Variants in GLE1 observed in about 807,000 individuals in gnomAD.
GLE1 encodes GLE1 RNA export mediator, also known as mRNA export factor GLE1.
In GLE1, 78 loss-of-function variants were observed where a neutral mutation model predicts 97.3. That is an observed-to-expected ratio of 0.80 (90% CI 0.67 to 0.97). The LOEUF (loss-of-function observed/expected upper bound fraction) is 0.97. GLE1 is among the 50% of genes least tolerant of loss of function. The pLI, the probability that GLE1 is intolerant of heterozygous loss-of-function variation, is 0.00. For missense variants in GLE1, 753 were observed against 857.5 expected, an observed-to-expected ratio of 0.88 and a Z score of 1.52; for synonymous variants, 302 against 313.4, an observed-to-expected ratio of 0.96 and a Z score of 0.39.
intron 2 of GLE1, among the ~76,000 whole-genome samples, chr9:128,510,251 C>T (rs149347132): frequency 0.073 from 11,037 of 150,424 alleles, 546 homozygotes; most frequent in Middle Eastern, 0.12. Context: ...TTTTTTGAGA[C>T]GGAGTCTTGC....
Position 128,523,504 on chromosome 9 carries a change from A to T in GLE1, c.643-88A>T. 3 of 1,547,108 alleles carry T rather than the reference A, an allele frequency of 1.9e-6. No homozygotes were observed. In the South Asian group the frequency reaches 3.4e-5, roughly 17 times the overall value. Reference sequence around the variant, plus strand: ...TTCCTGCTCTGAGCCCATCTGTGAAAATATGTAGCCCACGTAGAATTTGAG... The same window carrying T: ...TTCCTGCTCTGAGCCCATCTGTGAATATATGTAGCCCACGTAGAATTTGAG... On this transcript the variant is annotated intron_variant, in intron 5 of 15. Transcript: ENST00000309971.
rs1160924908 is a variant in GLE1, at chr9:128,532,209, CTTTTTTT to C, written c.1313-1283_1313-1277del. 8.1e-5 allele frequency among the ~76,000 whole-genome samples: 4 copies of C among 49,384 alleles called. No individual in the cohort carries two copies. In the East Asian group the frequency reaches 2.0e-3, roughly 24 times the overall value. The allele number at this position is 49,384 out of a possible 152,430, so 32.4% of individuals were successfully genotyped here. A position where few individuals can be genotyped will look rare whatever the true frequency, so the allele number is the denominator to read the frequency against. On this transcript the variant is annotated intron_variant, in intron 9 of 15. Coordinates refer to ENST00000309971, the MANE Select transcript of GLE1 (RefSeq NM_001003722.2). ...TGGAAAGTAATTCAGATCTGCTTTG[CTTTTTTT>C]TTTTTTTTTTTTTTTTTTTTAGGGA...
rs763065825 is a variant in GLE1 at position 128,504,780 on chromosome 9, T to C, written c.-26T>C. ...GGCTTGTTTGGTCAGAAGGGGGGCG[T>C]CAGAGAAGCTGCCCCTTAGCCAACC... On this transcript the variant is annotated 5_prime_UTR_variant, in exon 1 of 16. Transcript: ENST00000309971. 1.4e-6 allele frequency: 2 copies of C among 1,457,770 alleles called. No homozygotes were observed. The highest frequency in any genetic ancestry group is 3.3e-5 in the Admixed American group (2 of 59,822). 90.3% of individuals were successfully genotyped at this position (1,457,770 alleles called of 1,614,324 possible).
At chr9:128,527,942 T>C (rs972683791) in intron 9 of GLE1, among the ~76,000 whole-genome samples, 19 of 149,996 alleles carry the variant, frequency 1.3e-4, no homozygotes, top group African/African-American at 2.4e-4. Context: ...CCAGCCTGGG[T>C]GACAGAGCGA....
chr9:128,526,416 G>A (rs536733121), intron 7 of GLE1, among the ~76,000 whole-genome samples: 1 of 151,830 alleles, frequency 6.6e-6, no homozygotes, highest in South Asian at 2.1e-4. Flanking sequence ...GAGTGCAATG[G>A]CACAATCTCA....
intron 15 of GLE1, 152 bp from the exon 16 acceptor site, chr9:128,540,950 T>C (rs1427328771): frequency 6.0e-6 from 4 of 671,056 alleles, no homozygotes; most frequent in Non-Finnish European, 8.1e-6. Context: ...GGACATCTTA[T>C]ACAGAACCAT....
At chr9:128,538,402 C>T (rs1847786949) in intron 13 of GLE1, among the ~76,000 whole-genome samples, 1 of 152,222 alleles carries the variant, frequency 6.6e-6, no homozygotes, top group Admixed American at 6.5e-5. Context: ...GTGGATCACA[C>T]CTGTAATCCC....
At position 128,541,380 on chromosome 9, in the gene GLE1, T is replaced by G. The variant is rs1295990833; in HGVS notation, c.*210T>G. On this transcript the variant is annotated 3_prime_UTR_variant, in exon 16 of 16. Transcript: ENST00000309971. ...GTAGATTTGGTAGTTCCTTAAGAGATCCACGTGATAAAATAAATGGAGTTG... is the reference window on the plus strand; with the variant it reads ...GTAGATTTGGTAGTTCCTTAAGAGAGCCACGTGATAAAATAAATGGAGTTG... The G allele has an allele frequency of 3.4e-6, 2 of 584,192 alleles. No individual in the cohort carries two copies. The highest frequency in any genetic ancestry group is 2.8e-5 in the East Asian group (1 of 35,204). 36.2% of individuals were successfully genotyped at this position (584,192 alleles called of 1,614,324 possible).
At chr9:128,514,581 T>A (rs530700860) in intron 2 of GLE1, among the ~76,000 whole-genome samples, 1 of 151,888 alleles carries the variant, frequency 6.6e-6, no homozygotes, top group African/African-American at 2.4e-5. Flanking sequence ...TAGCTGGGAC[T>A]ACAGGCGCCC....
chr9:128,518,847 G>A (rs1462881866), intron 3 of GLE1, among the ~76,000 whole-genome samples: 6 of 148,472 alleles, frequency 4.0e-5, no homozygotes, highest in African/African-American at 1.2e-4. Flanking sequence ...CAGCCTGGGC[G>A]ACAGAGCGAG....
intron 3 of GLE1, among the ~76,000 whole-genome samples, chr9:128,518,144 C>T (rs370656519): frequency 1.3e-5 from 2 of 151,110 alleles, no homozygotes; most frequent in East Asian, 3.9e-4. Context: ...AAAAAACTCA[C>T]GTGCCTGGCC....
chr9:128,511,881 G>A (rs1589044416), intron 2 of GLE1, among the ~76,000 whole-genome samples: 1 of 151,908 alleles, frequency 6.6e-6, no homozygotes, highest in Non-Finnish European at 1.5e-5. Context: ...GTGCAATCTC[G>A]GCTTAATGCA....
rs121434407 is a variant in GLE1, at chr9:128,536,414, G to A, written c.1706G>A (p.Arg569His). The change falls in exon 12 of 16, where the codon CGC becomes CAC. Residue 569 changes from arginine (R) to histidine (H), a missense_variant. Transcript: ENST00000309971. ...GAGCAGCAAGACAACTTTCTAAAACGCATGTCAGGGATGATCCGTCTCTAC... is the reference window on the plus strand; with the variant it reads ...GAGCAGCAAGACAACTTTCTAAAACACATGTCAGGGATGATCCGTCTCTAC... ...KVEQQDNFLK[R>H]MSGMIRLYAA... The A allele has an allele frequency of 2.4e-4, 382 of 1,613,812 alleles. No homozygotes were observed. Among genetic ancestry groups the A allele is most frequent in the Non-Finnish European group, 3.0e-4 (355 of 1,179,870 alleles).
Position 128,525,050 on chromosome 9 carries a change from G to A in GLE1, c.898-142G>A. 3 of 715,722 alleles carry A rather than the reference G, an allele frequency of 4.2e-6. 1 individual carries two copies. The South Asian group carries it at 4.5e-5, about 11-fold the overall frequency. The allele number at this position is 715,722 out of a possible 1,614,324, so 44.3% of individuals were successfully genotyped here. A position where few individuals can be genotyped will look rare whatever the true frequency, so the allele number is the denominator to read the frequency against. On this transcript the variant is annotated intron_variant, in intron 6 of 15. Coordinates refer to ENST00000309971, the MANE Select transcript of GLE1 (RefSeq NM_001003722.2). ...GTTGGAATTATTAATACCTTTAAGA[G>A]AACAGGGAAAGAAGTATCAATTCGT...
chr9:128,529,891 C>T (rs1019035914), intron 9 of GLE1, among the ~76,000 whole-genome samples: 3 of 152,166 alleles, frequency 2.0e-5, no homozygotes, highest in Non-Finnish European at 2.9e-5. Flanking sequence ...ATTCTCCTGC[C>T]TCAGCCTCCC....
At chr9:128,518,556 C>T (rs112558193) in intron 3 of GLE1, among the ~76,000 whole-genome samples, 8 of 147,612 alleles carry the variant, frequency 5.4e-5, no homozygotes, top group East Asian at 2.0e-4. Context: ...GTTGAGAATC[C>T]GTCTCTAAAA....
At chr9:128,514,525 C>T (rs1011219983) in intron 2 of GLE1, among the ~76,000 whole-genome samples, 1 of 150,166 alleles carries the variant, frequency 6.7e-6, no homozygotes, top group African/African-American at 2.5e-5. Flanking sequence ...GCACTGCAAG[C>T]TCCACCTCCC....
intron 7 of GLE1, among the ~76,000 whole-genome samples, chr9:128,526,505 C>CA (rs1055143447): frequency 2.0e-5 from 3 of 151,998 alleles, no homozygotes; most frequent in Non-Finnish European, 2.9e-5. Flanking sequence ...TACAGGCATG[C>CA]ACCACCACAC....
At chr9:128,523,878 T>A in intron 6 of GLE1, 32 bp downstream of exon 6, 1 of 1,612,074 alleles carries the variant, frequency 6.2e-7, no homozygotes, top group Non-Finnish European at 8.5e-7. Flanking sequence ...CTCTTTGCTG[T>A]CTTTGAAATG....
Sources: allele counts gnomAD v4.1 joint callset (sites outside exome capture counted in the v4.1 genomes callset), GRCh38; gene constraint gnomAD v4.1.1; transcripts MANE v1.5; gene names NCBI Gene and HGNC (gene_info 2026-07-23, HGNC 2026-07-21).